The following CELF5 variants were observed in gnomAD, a reference collection of about 807,000 sequenced individuals.
CELF5 encodes the protein CUGBP Elav-like family member 5, also known as CUG-BP and ETR-3 like factor 5.
Under a neutral mutation model 54.9 loss-of-function variants are expected in CELF5, and 6 were observed. The ratio of observed to expected loss-of-function variants is 0.11; its 90% CI spans 0.06 to 0.22. The LOEUF (loss-of-function observed/expected upper bound fraction) is 0.22, where lower values mean the gene tolerates loss of function less well. Ranked by LOEUF, CELF5 falls within the 10% of genes least tolerant of loss-of-function variation. The pLI is 1.00. For missense variants in CELF5, 401 were observed against 678.6 expected, an observed-to-expected ratio of 0.59 and a Z score of 4.54; for synonymous variants, 271 against 290.9, an observed-to-expected ratio of 0.93 and a Z score of 0.70.
intron 1 of CELF5, among the ~76,000 whole-genome samples, chr19:3,239,453 C>T (rs1422953062): frequency 6.6e-6 from 1 of 151,106 alleles, no homozygotes; most frequent in Non-Finnish European, 1.5e-5. Flanking sequence ...CCAGGCTCGT[C>T]TCAAACTCCT....
chr19:3,287,150 A>G (rs34683290), intron 10 of CELF5, among the ~76,000 whole-genome samples: 82,635 of 151,410 alleles, frequency 0.55, 23,893 homozygotes, highest in Middle Eastern at 0.7. Flanking sequence ...ACGATGGAAC[A>G]CTATACAGCA....
chr19:3,260,182 T>C (rs2079788482), intron 2 of CELF5, among the ~76,000 whole-genome samples: 1 of 152,194 alleles, frequency 6.6e-6, no homozygotes, highest in African/African-American at 2.4e-5. Context: ...AGGGGCGTGA[T>C]CTTGGCTCAC....
chr19:3,252,669 G>A (rs1238323394), intron 2 of CELF5, among the ~76,000 whole-genome samples: 1 of 152,154 alleles, frequency 6.6e-6, no homozygotes, highest in Non-Finnish European at 1.5e-5. Flanking sequence ...TTCTCCATGA[G>A]CATTGGAAGG....
In CELF5 at chr19:3,281,183, G is replaced by C. The variant is rs755235762; in HGVS notation, c.604-16G>C. 8 of 1,597,870 alleles carry C rather than the reference G, an allele frequency of 5.0e-6. No homozygotes were observed. The highest frequency in any genetic ancestry group is 1.1e-5 in the South Asian group (1 of 90,936). ...TCCCAGCCCGTTTCCCTCCCTGCTC[G>C]CCGCTGCCCCTGCAGGGAGCCTCCT... On this transcript the variant is annotated splice_polypyrimidine_tract_variant and intron_variant, in intron 5 of 12. Coordinates refer to ENST00000292672, the MANE Select transcript of CELF5 (RefSeq NM_021938.4). This position sits in a 1 kb window ranked among gnomAD's most constrained non-coding sequence, Gnocchi z 6.5.
intron 2 of CELF5, among the ~76,000 whole-genome samples, chr19:3,265,979 G>A (rs754704868): frequency 1.4e-4 from 22 of 151,872 alleles, no homozygotes; most frequent in Admixed American, 3.3e-4. Flanking sequence ...GCCAATTTTT[G>A]TATTTTTAGT....
In CELF5 at chr19:3,282,016, A is replaced by G; in HGVS notation, c.751-110A>G. ...TCCAATTCTGATCTCAGCCTGAGCC[A>G]AGATACCCAGCCTGACCTCCTCACT... is the stretch of plus-strand genomic sequence containing the variant. On this transcript the variant is annotated intron_variant, in intron 6 of 12. Transcript: ENST00000292672. The surrounding 1 kb of genome is among the most constrained non-coding windows in gnomAD (Gnocchi z 5.2). The G allele has an allele frequency of 8.0e-7, 1 of 1,242,596 alleles. No individual in the cohort carries two copies. The highest frequency in any genetic ancestry group is 2.3e-5 in the East Asian group (1 of 42,814). 77.0% of individuals were successfully genotyped at this position (1,242,596 alleles called of 1,614,324 possible).
At chr19:3,264,714 C>T (rs969883857) in intron 2 of CELF5, among the ~76,000 whole-genome samples, 8 of 134,028 alleles carry the variant, frequency 6.0e-5, no homozygotes, top group African/African-American at 2.2e-4. Flanking sequence ...CCACACCCGG[C>T]CTTTTTTTTT....
chr19:3,240,180 C>T (rs528581034), intron 1 of CELF5, among the ~76,000 whole-genome samples: 1 of 151,960 alleles, frequency 6.6e-6, no homozygotes, highest in African/African-American at 2.4e-5. Context: ...CCACACCTAG[C>T]CAATTTTTGT....
At chr19:3,264,113 T>C (rs2079847135) in intron 2 of CELF5, among the ~76,000 whole-genome samples, 1 of 152,008 alleles carries the variant, frequency 6.6e-6, no homozygotes, top group South Asian at 2.1e-4. Flanking sequence ...CGCCTTTGCT[T>C]TTCTTCGTGG....
intron 2 of CELF5, among the ~76,000 whole-genome samples, chr19:3,266,587 CT>C (rs1395853843): frequency 6.6e-6 from 1 of 152,158 alleles, no homozygotes; most frequent in Non-Finnish European, 1.5e-5. Flanking sequence ...TTTCACATGT[CT>C]GTTGAGACAA....
intron 1 of CELF5, among the ~76,000 whole-genome samples, chr19:3,243,750 G>A (rs1347695513): frequency 1.3e-5 from 2 of 152,134 alleles, no homozygotes; most frequent in Non-Finnish European, 2.9e-5. Flanking sequence ...GGCAGGGCTG[G>A]TTCCTTCTGA....
At chr19:3,242,131 G>A (rs909231829) in intron 1 of CELF5, among the ~76,000 whole-genome samples, 26 of 152,166 alleles carry the variant, frequency 1.7e-4, no homozygotes, top group African/African-American at 5.8e-4. Flanking sequence ...AAGAGGCTGT[G>A]TTCTTCCTCA....
At chr19:3,232,080 G>T (rs1917293544) in intron 1 of CELF5, among the ~76,000 whole-genome samples, 2 of 151,938 alleles carry the variant, frequency 1.3e-5, no homozygotes, top group Non-Finnish European at 2.9e-5. Context: ...TCCTCACCTG[G>T]TGAATACGAA....
At chr19:3,247,066 A>T (rs926971355) in intron 1 of CELF5, among the ~76,000 whole-genome samples, 2 of 152,106 alleles carry the variant, frequency 1.3e-5, no homozygotes, top group African/African-American at 4.8e-5. Context: ...CCCCTGCAGG[A>T]TGGAGGGGGT....
At chr19:3,296,643 G>T (rs921761996) in intron 12 of CELF5, 115 bp from the exon 13 acceptor site, 15 of 152,230 alleles carry the variant, frequency 9.9e-5, no homozygotes, top group African/African-American at 3.6e-4. Context: ...TGTCCGCGGC[G>T]CCCGCCGAGG....
In CELF5 at chr19:3,227,088, G is replaced by T. The variant is rs73921261; in HGVS notation, c.259+2090G>T. Among the ~76,000 whole-genome samples, 549 of 152,250 alleles carry T rather than the reference G, an allele frequency of 3.6e-3. 2 individuals carry two copies. The highest frequency in any genetic ancestry group is 0.013 in the African/African-American group (522 of 41,540). On this transcript the variant is annotated intron_variant, in intron 1 of 12. Transcript: ENST00000292672. ...AGGTCCGTCTGTGTGTGAGATACAG[G>T]GGCTTCACCTCGTGTCGAAAATGGG...
intron 10 of CELF5, 188 bp downstream of exon 10, chr19:3,286,213 C>T: frequency 3.8e-6 from 2 of 520,020 alleles, no homozygotes; most frequent in Non-Finnish European, 6.6e-6. Context: ...TCTGTTTCCT[C>T]CTCCGAAAAG....
Position 3,281,999 on chromosome 19 carries a change from T to G in CELF5, c.751-127T>G. The stretch of plus-strand genomic sequence containing the variant: ...TTGATCCCAGTCTGAGCTCCAATTC[T>G]GATCTCAGCCTGAGCCAAGATACCC... On this transcript the variant is annotated intron_variant, in intron 6 of 12. Coordinates refer to ENST00000292672, the MANE Select transcript of CELF5 (RefSeq NM_021938.4). This position sits in a 1 kb window ranked among gnomAD's most constrained non-coding sequence, Gnocchi z 6.5. 2 of 1,034,076 alleles carry G rather than the reference T, an allele frequency of 1.9e-6. No individual in the cohort carries two copies. Among genetic ancestry groups the G allele is most frequent in the Non-Finnish European group, 2.9e-6 (2 of 680,916 alleles). 64.1% of individuals were successfully genotyped at this position (1,034,076 alleles called of 1,614,324 possible).
chr19:3,272,732 G>A (rs867445180), intron 2 of CELF5, among the ~76,000 whole-genome samples: 46 of 152,296 alleles, frequency 3.0e-4, no homozygotes, highest in African/African-American at 1.1e-3. Flanking sequence ...GGAGGGGGAG[G>A]AAGGAGCCCA....
Sources: gnomAD v4.1 joint callset for allele counts (sites outside exome capture counted in the v4.1 genomes callset) on GRCh38, gnomAD v4.1.1 for gene constraint, Gnocchi (gnomAD v3.1) non-coding constraint, MANE v1.5 for transcripts, NCBI Gene and HGNC (gene_info 2026-07-23, HGNC 2026-07-21) for gene names.